The following CDH13 variants were observed in gnomAD, a reference collection of about 807,000 sequenced individuals.
The protein encoded by CDH13 is cadherin 13.
In CDH13, 24 loss-of-function variants were observed where a neutral mutation model predicts 63.8. The ratio of observed to expected loss-of-function variants is 0.38; its 90% CI spans 0.27 to 0.53. The LOEUF (loss-of-function observed/expected upper bound fraction) is 0.53. Among genes scored for constraint, CDH13 ranks in the 20% least tolerant of loss-of-function variants. The pLI, the probability that CDH13 is intolerant of heterozygous loss-of-function variation, is 0.85. For synonymous variants in CDH13, 503 were observed against 355.3 expected (o/e 1.42, Z -4.67); for missense variants, 1,049 against 903.1 (o/e 1.16, Z -2.07).
intron 6 of CDH13, among the ~76,000 whole-genome samples, chr16:83,472,043 C>G (rs946480225): frequency 3.3e-5 from 5 of 152,222 alleles, no homozygotes; most frequent in Non-Finnish European, 4.4e-5. Flanking sequence ...CCATGCCTCT[C>G]CCGTCTTTTG....
At chr16:82,713,722 C>T (rs779367788) in intron 1 of CDH13, among the ~76,000 whole-genome samples, 1 of 150,598 alleles carries the variant, frequency 6.6e-6, no homozygotes. Flanking sequence ...TATTAGGTGG[C>T]CTAGTGCATG....
rs73590359 is a variant in CDH13, at chr16:82,863,731, T to G, written c.157+5258T>G. Among the ~76,000 whole-genome samples, 441 of 152,310 alleles carry G rather than the reference T, an allele frequency of 2.9e-3. 1 individual carries two copies. Among genetic ancestry groups the G allele is most frequent in the African/African-American group, 0.01 (430 of 41,578 alleles). ...TTCATAGACCTCAGCTAGATCCACT[T>G]TTCTTATAATGGCCATCTGAAATTG... On this transcript the variant is annotated intron_variant, in intron 2 of 13. Transcript: ENST00000567109.
intron 5 of CDH13, among the ~76,000 whole-genome samples, chr16:83,253,966 G>T (rs1015068016): frequency 1.3e-5 from 2 of 152,152 alleles, no homozygotes; most frequent in African/African-American, 4.8e-5. Flanking sequence ...ATAACCGTCT[G>T]CCCAGAGTCA....
intron 7 of CDH13, among the ~76,000 whole-genome samples, chr16:83,571,191 A>G (rs1322627765): frequency 6.6e-6 from 1 of 152,064 alleles, no homozygotes; most frequent in African/African-American, 2.4e-5. Context: ...ATCTTCACCC[A>G]ATTTGCTCCA....
chr16:83,620,019 G>C (rs1043308611), intron 8 of CDH13, among the ~76,000 whole-genome samples: 2 of 152,066 alleles, frequency 1.3e-5, no homozygotes, highest in Admixed American at 1.3e-4. Flanking sequence ...GAGGGCGGGA[G>C]GGGCCAGATC....
intron 1 of CDH13, among the ~76,000 whole-genome samples, chr16:82,764,097 G>A (rs1174396153): frequency 3.3e-5 from 5 of 152,174 alleles, no homozygotes; most frequent in African/African-American, 4.8e-5. Flanking sequence ...CGTAGACCTG[G>A]CTTGTTCCTT....
intron 3 of CDH13, among the ~76,000 whole-genome samples, chr16:83,097,826 T>A (rs1728779374): frequency 6.6e-6 from 1 of 152,200 alleles, no homozygotes; most frequent in Admixed American, 6.5e-5. Context: ...AGAGAGCCTT[T>A]AATATCATGC....
In CDH13 at chr16:83,672,409, C is replaced by CTTTTTTTTTTT. The variant is rs34156503; in HGVS notation, c.1284+1461_1284+1471dup. On this transcript the variant is annotated intron_variant, in intron 9 of 13. Coordinates refer to ENST00000567109, the MANE Select transcript of CDH13 (RefSeq NM_001257.5). The stretch of plus-strand genomic sequence containing the variant: ...AGAGTGAGGCAGCTCTCTGGATTCT[C>CTTTTTTTTTTT]TTTTTTTTTTTTTTTTTTTTTTTTT... Among the ~76,000 whole-genome samples the CTTTTTTTTTTT allele has an allele frequency of 2.1e-3, 73 of 35,140 alleles. 21 individuals are homozygous for CTTTTTTTTTTT. Among genetic ancestry groups the CTTTTTTTTTTT allele is most frequent in the South Asian group, 3.2e-3 (2 of 630 alleles). 23.1% of individuals were successfully genotyped at this position (35,140 alleles called of 152,430 possible).
At chr16:83,457,417 A>T (rs1450626804) in intron 6 of CDH13, among the ~76,000 whole-genome samples, 1 of 152,110 alleles carries the variant, frequency 6.6e-6, no homozygotes, top group African/African-American at 2.4e-5. Context: ...CTGCCTTGCC[A>T]TCACTCATTA....
intron 1 of CDH13, among the ~76,000 whole-genome samples, chr16:82,742,691 A>G (rs1319244033): frequency 6.6e-6 from 1 of 152,216 alleles, no homozygotes; most frequent in Non-Finnish European, 1.5e-5. Flanking sequence ...AAGTAGGAAT[A>G]TGATGTATAA....
At chr16:82,896,720 G>C (rs1038041123) in intron 2 of CDH13, among the ~76,000 whole-genome samples, 1 of 146,120 alleles carries the variant, frequency 6.8e-6, no homozygotes, top group Non-Finnish European at 1.5e-5. Flanking sequence ...GTGAATAAGA[G>C]ACGAAAGAAA....
intron 10 of CDH13, among the ~76,000 whole-genome samples, chr16:83,679,029 G>C (rs577387681): frequency 6.6e-6 from 1 of 152,248 alleles, no homozygotes; most frequent in Admixed American, 6.5e-5. Flanking sequence ...AAGGAGCAAA[G>C]TCACTTCCTG....
chr16:83,198,521 T>C (rs1450872928), intron 4 of CDH13, among the ~76,000 whole-genome samples: 2 of 152,104 alleles, frequency 1.3e-5, no homozygotes, highest in Admixed American at 1.3e-4. Flanking sequence ...AGATCTCCAG[T>C]CCAGTGTACA....
intron 7 of CDH13, among the ~76,000 whole-genome samples, chr16:83,586,881 T>A (rs1294362101): frequency 6.6e-6 from 1 of 152,200 alleles, no homozygotes; most frequent in African/African-American, 2.4e-5. Flanking sequence ...CCATCTTGTG[T>A]GATTTTTTTT....
chr16:83,100,323 A>T (rs1348091665), intron 3 of CDH13, among the ~76,000 whole-genome samples: 4 of 152,198 alleles, frequency 2.6e-5, no homozygotes, highest in Non-Finnish European at 4.4e-5. Context: ...ACAGAAGGGA[A>T]ATAGGAAGTG....
intron 4 of CDH13, among the ~76,000 whole-genome samples, chr16:83,143,172 C>T (rs1027040672): frequency 5.3e-5 from 8 of 152,184 alleles, no homozygotes; most frequent in Non-Finnish European, 8.8e-5. Context: ...ACATGCAGAA[C>T]GAATGGTATT....
chr16:83,540,189 C>T (rs949267962), intron 7 of CDH13, among the ~76,000 whole-genome samples: 2 of 151,824 alleles, frequency 1.3e-5, no homozygotes, highest in Admixed American at 6.6e-5. Flanking sequence ...TTCAGCCTCC[C>T]GAGTAGCTGG....
intron 6 of CDH13, among the ~76,000 whole-genome samples, chr16:83,353,790 T>C (rs1246852824): frequency 6.6e-6 from 1 of 152,186 alleles, no homozygotes; most frequent in Non-Finnish European, 1.5e-5. Context: ...GACCTTTGTA[T>C]TCTGGGTGAA....
chr16:83,003,666 G>T (rs1429789540), intron 2 of CDH13, among the ~76,000 whole-genome samples: 1 of 152,136 alleles, frequency 6.6e-6, no homozygotes, highest in African/African-American at 2.4e-5. Flanking sequence ...AGAGACAGGT[G>T]GATGAACTAA....
Sources: allele counts gnomAD v4.1 joint callset (sites outside exome capture counted in the v4.1 genomes callset), GRCh38; gene constraint gnomAD v4.1.1; transcripts MANE v1.5; gene names NCBI Gene and HGNC (gene_info 2026-07-23, HGNC 2026-07-21).